The following SPTLC3 variants were observed in gnomAD, a reference collection of about 807,000 sequenced individuals.
SPTLC3 encodes the protein serine palmitoyltransferase long chain base subunit 3.
SPTLC3 carries 36 observed loss-of-function variants against 59.3 expected under a neutral mutation model. The observed-to-expected ratio is 0.61, with a 90% CI of 0.47 to 0.80. The LOEUF is 0.80. Ranked by LOEUF, SPTLC3 falls within the 30% of genes least tolerant of loss-of-function variation. The pLI is 0.00. For missense variants in SPTLC3, 625 were observed against 685.1 expected, an observed-to-expected ratio of 0.91 and a Z score of 0.98; for synonymous variants, 257 against 240.8, an observed-to-expected ratio of 1.07 and a Z score of -0.62.
At chr20:13,033,992 A>G (rs80056150) in intron 1 of SPTLC3, among the ~76,000 whole-genome samples, 8,387 of 152,196 alleles carry the variant, frequency 0.055, 269 homozygotes, top group South Asian at 0.083. Context: ...AAAAGTGACG[A>G]TATGAAGAAA....
At chr20:13,141,205 A>G (rs546116956) in intron 9 of SPTLC3, among the ~76,000 whole-genome samples, 23 of 152,354 alleles carry the variant, frequency 1.5e-4, no homozygotes, top group South Asian at 6.2e-4. Context: ...AACTTCTCTC[A>G]TAAGACATTG....
chr20:13,035,446 T>C (rs1318206347), intron 1 of SPTLC3, among the ~76,000 whole-genome samples: 1 of 152,162 alleles, frequency 6.6e-6, no homozygotes, highest in Non-Finnish European at 1.5e-5. Context: ...GAAGCTTGGA[T>C]TTTATCATGT....
chr20:13,111,756 T>C (rs1305614502), intron 7 of SPTLC3, among the ~76,000 whole-genome samples: 1 of 152,178 alleles, frequency 6.6e-6, no homozygotes, highest in African/African-American at 2.4e-5. Context: ...ACTGGGCATC[T>C]CCTTTAAGCA....
chr20:13,083,440 CATCTT>C (rs1405590601), intron 4 of SPTLC3, among the ~76,000 whole-genome samples: 2 of 152,184 alleles, frequency 1.3e-5, no homozygotes, highest in Admixed American at 6.5e-5. Flanking sequence ...TAGAGCCTCT[CATCTT>C]ATCATATACT....
intron 1 of SPTLC3, among the ~76,000 whole-genome samples, chr20:13,020,397 T>C (rs1985815986): frequency 6.6e-6 from 1 of 151,322 alleles, no homozygotes; most frequent in Non-Finnish European, 1.5e-5. Flanking sequence ...CGTGGTGGCA[T>C]GCATCTGTAG....
intron 9 of SPTLC3, among the ~76,000 whole-genome samples, chr20:13,150,743 T>C (rs1175141656): frequency 1.3e-5 from 2 of 152,206 alleles, no homozygotes; most frequent in Non-Finnish European, 2.9e-5. Flanking sequence ...TCCAGCCTCA[T>C]CTTGTCCCAG....
chr20:13,140,327 C>T (rs948116320), intron 9 of SPTLC3, among the ~76,000 whole-genome samples: 1 of 152,166 alleles, frequency 6.6e-6, no homozygotes, highest in South Asian at 2.1e-4. Flanking sequence ...TCACTCAGCT[C>T]TCCTTGGGTA....
chr20:13,051,159 A>G (rs576001588), intron 2 of SPTLC3: 2 of 152,352 alleles, frequency 1.3e-5, no homozygotes, highest in African/African-American at 2.4e-5. Context: ...CAGAATGGGT[A>G]AGAACTCACC....
rs547894592 is a variant in SPTLC3, at chr20:13,078,978, A to G, written c.607+4481A>G. Among the ~76,000 whole-genome samples the G allele has an allele frequency of 2.0e-5, 3 of 152,308 alleles. No individual in the cohort carries two copies. In the South Asian group the frequency reaches 6.2e-4, roughly 32 times the overall value. On this transcript the variant is annotated intron_variant, in intron 4 of 11. Transcript: ENST00000399002. ...TACAGTAAAGTTAATAATCAACTATAAACGGTAAGAGATATATTAGGGAAA... is the reference window on the plus strand; with the variant it reads ...TACAGTAAAGTTAATAATCAACTATGAACGGTAAGAGATATATTAGGGAAA...
chr20:13,117,245 G>C (rs774821250), intron 7 of SPTLC3, among the ~76,000 whole-genome samples: 1 of 152,206 alleles, frequency 6.6e-6, no homozygotes, highest in Non-Finnish European at 1.5e-5. Flanking sequence ...ATAATGCAGT[G>C]AGCTGATTGT....
chr20:13,161,669 A>C (rs1027889045), intron 11 of SPTLC3, among the ~76,000 whole-genome samples: 2 of 152,250 alleles, frequency 1.3e-5, no homozygotes, highest in Admixed American at 1.3e-4. Flanking sequence ...GTTTAAATGC[A>C]GTGAGTGATG....
At chr20:13,121,290 G>A (rs2037860301) in intron 8 of SPTLC3, among the ~76,000 whole-genome samples, 1 of 152,124 alleles carries the variant, frequency 6.6e-6, no homozygotes, top group Admixed American at 6.6e-5. Flanking sequence ...ACTGGGACAG[G>A]GCAGACAAAT....
At chr20:13,020,597 A>T (rs1985828806) in intron 1 of SPTLC3, among the ~76,000 whole-genome samples, 1 of 152,126 alleles carries the variant, frequency 6.6e-6, no homozygotes, top group Non-Finnish European at 1.5e-5. Context: ...TTTGCTGTAA[A>T]ACTATTTTTA....
intron 11 of SPTLC3, among the ~76,000 whole-genome samples, chr20:13,161,177 A>G (rs2038888477): frequency 6.6e-6 from 1 of 152,208 alleles, no homozygotes; most frequent in Admixed American, 6.5e-5. Context: ...CATATGTGGG[A>G]AGAGAGAATC....
At chr20:13,047,875 T>C (rs1987301156) in intron 1 of SPTLC3, among the ~76,000 whole-genome samples, 1 of 152,196 alleles carries the variant, frequency 6.6e-6, no homozygotes, top group Non-Finnish European at 1.5e-5. Context: ...CTTTATGTTT[T>C]TATGCAATTT....
intron 1 of SPTLC3, among the ~76,000 whole-genome samples, chr20:13,042,887 A>C (rs557438263): frequency 6.6e-6 from 1 of 152,280 alleles, no homozygotes; most frequent in South Asian, 2.1e-4. Context: ...ATATTTTTAT[A>C]ATTTTTACCA....
Position 13,074,600 on chromosome 20 carries a change from G to C in SPTLC3, c.607+103G>C. 3.8e-6 allele frequency: 5 copies of C among 1,300,234 alleles called. No homozygotes were observed. The South Asian group carries it at 9.4e-5, about 24-fold the overall frequency. The allele number at this position is 1,300,234 out of a possible 1,614,324, so 80.5% of individuals were successfully genotyped here. ...TATTTGGACTGTGTCCCTTAAAAAG[G>C]TGTTATAAACTGCAGAAAGAAAAAA... On this transcript the variant is annotated intron_variant, in intron 4 of 11. Transcript: ENST00000399002.
intron 8 of SPTLC3, among the ~76,000 whole-genome samples, chr20:13,124,458 T>G: frequency 7.3e-6 from 1 of 137,098 alleles, no homozygotes. Flanking sequence ...AGAACTAGAG[T>G]AGAAGGGAAG....
At chr20:13,080,432 C>T (rs975241605) in intron 4 of SPTLC3, among the ~76,000 whole-genome samples, 3 of 144,392 alleles carry the variant, frequency 2.1e-5, no homozygotes, top group East Asian at 2.1e-4. Context: ...CGCTTGAACC[C>T]GGGAGTCAGA....
Sources: gnomAD v4.1 joint callset for allele counts (sites outside exome capture counted in the v4.1 genomes callset) on GRCh38, gnomAD v4.1.1 for gene constraint, MANE v1.5 for transcripts, NCBI Gene and HGNC (gene_info 2026-07-23, HGNC 2026-07-21) for gene names.